Variants in SLC25A30 observed in about 807,000 individuals in gnomAD.
SLC25A30 encodes the protein kidney mitochondrial carrier protein 1.
In SLC25A30, 29 loss-of-function variants were observed where a neutral mutation model predicts 42.7. The observed-to-expected ratio is 0.68, with a 90% CI of 0.51 to 0.93. The LOEUF is 0.93. Among genes scored for constraint, SLC25A30 ranks in the 40% least tolerant of loss-of-function variants. The pLI is 0.00. For missense variants in SLC25A30, 300 were observed against 359.7 expected (o/e 0.83, Z 1.34); for synonymous variants, 124 against 131.0 (o/e 0.95, Z 0.37).
chr13:45,399,957 CT>C (rs747225259), intron 7 of SLC25A30, among the ~76,000 whole-genome samples: 1 of 149,822 alleles, frequency 6.7e-6, no homozygotes. Context: ...GTATTCCCCC[CT>C]GGTTGTGACA....
rs534652427 is a variant in SLC25A30, at chr13:45,396,366, T to G, written c.835-351A>C. The G allele has an allele frequency of 8.3e-5, 93 of 1,124,656 alleles. No individual in the cohort carries two copies. The African/African-American group carries it at 1.3e-3, about 16-fold the overall frequency. 69.7% of individuals were successfully genotyped at this position (1,124,656 alleles called of 1,614,324 possible). ...AGAGAGTTAGCAAGCCCTGGGAAGC[T>G]CTCCTCAAAGGCTTCCACTATGCAT... is the stretch of plus-strand genomic sequence containing the variant. On this transcript the variant is annotated intron_variant, in intron 9 of 9. Coordinates refer to ENST00000519676, the MANE Select transcript of SLC25A30 (RefSeq NM_001010875.4).
chr13:45,397,750 AATCCT>A (rs1881504993), intron 8 of SLC25A30: 2 of 243,412 alleles, frequency 8.2e-6, no homozygotes, highest in African/African-American at 4.7e-5. Context: ...TTAAAAATAA[AATCCT>A]GTTTGGAAGG....
the SLC25A30 span, among the ~76,000 whole-genome samples, chr13:45,432,281 A>AC: frequency 6.6e-6 from 1 of 152,064 alleles, no homozygotes; most frequent in Non-Finnish European, 1.5e-5. Flanking sequence ...AAAAAAAAAA[A>AC]AAAACAGTGT....
intron 8 of SLC25A30, chr13:45,397,686 A>T: frequency 2.3e-5 from 4 of 171,366 alleles, no homozygotes; most frequent in Non-Finnish European, 4.8e-5. Flanking sequence ...ACAAAGCGAG[A>T]CTCCATCTCA....
At chr13:45,412,973 A>G (rs1883159686) in intron 1 of SLC25A30, among the ~76,000 whole-genome samples, 1 of 152,222 alleles carries the variant, frequency 6.6e-6, no homozygotes, top group South Asian at 2.1e-4. Context: ...CAACATGTTT[A>G]CTTTGCCTGT....
chr13:45,414,635 T>TATACACACACACAC (rs1555288077), intron 1 of SLC25A30, among the ~76,000 whole-genome samples: 1 of 139,908 alleles, frequency 7.1e-6, no homozygotes, highest in South Asian at 2.4e-4. Flanking sequence ...CACACACACA[T>TATACACACACACAC]ACACACACAC....
intron 5 of SLC25A30, among the ~76,000 whole-genome samples, chr13:45,404,067 T>C (rs774416237): frequency 4.6e-5 from 7 of 151,746 alleles, no homozygotes; most frequent in Non-Finnish European, 1.0e-4. Flanking sequence ...AAAACGAAAA[T>C]GAAATGCAGT....
At chr13:45,416,086 C>T (rs34481006) in intron 1 of SLC25A30, among the ~76,000 whole-genome samples, 19,440 of 150,850 alleles carry the variant, frequency 0.13, 1,417 homozygotes, top group African/African-American at 0.19. Context: ...GCATGAACCA[C>T]GGCGCCCGGT....
chr13:45,424,790 AAG>A, the SLC25A30 span, among the ~76,000 whole-genome samples: 3 of 60,784 alleles, frequency 4.9e-5, no homozygotes, highest in African/African-American at 1.8e-4. Flanking sequence ...AAATATATAA[AAG>A]AATATAAATA....
the SLC25A30 span, among the ~76,000 whole-genome samples, chr13:45,423,666 T>TAAAAATATATATAAAATATATATAAA: frequency 9.0e-5 from 1 of 11,076 alleles, no homozygotes; most frequent in Non-Finnish European, 2.0e-4. Flanking sequence ...TAAATATATA[T>TAAAAATATATATAAAATATATATAAA]AAAATACATA....
At chr13:45,419,565 T>C (rs1045061321), upstream of SLC25A30, among the ~76,000 whole-genome samples, 2 of 150,212 alleles carry the variant, frequency 1.3e-5, no homozygotes, top group Non-Finnish European at 3.0e-5. Context: ...GTGATCCGCC[T>C]GCCTCGGCCT....
chr13:45,398,909 C>T (rs936455743), intron 8 of SLC25A30, 31 bp downstream of exon 8: 2 of 1,594,402 alleles, frequency 1.3e-6, no homozygotes, highest in Non-Finnish European at 1.7e-6. Context: ...ATATAATTCA[C>T]AACCCTGCAG....
intron 9 of SLC25A30, chr13:45,396,936 A>C (rs1258443325): frequency 7.7e-6 from 2 of 260,936 alleles, no homozygotes; most frequent in Non-Finnish European, 1.4e-5. Flanking sequence ...ATCCTTCCCA[A>C]GGTGGCTAGG....
At chr13:45,398,146 G>A (rs200033054) in intron 8 of SLC25A30, 36 of 636,558 alleles carry the variant, frequency 5.7e-5, no homozygotes, top group Middle Eastern at 7.9e-4. Context: ...AAGAAATCAC[G>A]TTCTTTGCAG....
the SLC25A30 span, among the ~76,000 whole-genome samples, chr13:45,427,453 A>G: frequency 6.6e-6 from 1 of 152,146 alleles, no homozygotes. Context: ...ATTGGGCCCA[A>G]CAGAGTTTGT....
At chr13:45,425,909 T>C in the SLC25A30 span, among the ~76,000 whole-genome samples, 1 of 147,354 alleles carries the variant, frequency 6.8e-6, no homozygotes, top group South Asian at 2.1e-4. Flanking sequence ...GCCAGGCTGG[T>C]CTTGAACTCC....
intron 1 of SLC25A30, among the ~76,000 whole-genome samples, chr13:45,416,858 T>C (rs1883581004): frequency 1.3e-5 from 2 of 152,214 alleles, no homozygotes; most frequent in Non-Finnish European, 2.9e-5. Context: ...TCCCTACACT[T>C]AGGATATATG....
In SLC25A30 at chr13:45,398,921, G is replaced by C. The variant is rs901019531; in HGVS notation, c.753+19C>G. On this transcript the variant is annotated intron_variant, in intron 8 of 9. Coordinates refer to ENST00000519676, the MANE Select transcript of SLC25A30 (RefSeq NM_001010875.4). ...AATATATAATTCACAACCCTGCAGA[G>C]ACAGACATCTGCTCTTACCTGTAAC... is the stretch of plus-strand genomic sequence containing the variant. 6.8e-6 allele frequency: 11 copies of C among 1,609,592 alleles called. No individual in the cohort carries two copies. The highest frequency in any genetic ancestry group is 2.2e-5 in the East Asian group (1 of 44,854).
intron 6 of SLC25A30, 129 bp downstream of exon 6, chr13:45,402,146 G>A: frequency 1.7e-6 from 1 of 588,554 alleles, no homozygotes; most frequent in East Asian, 2.9e-5. Flanking sequence ...ATTTTCATGG[G>A]CAGAAGATGC....
Sources: allele counts gnomAD v4.1 joint callset (sites outside exome capture counted in the v4.1 genomes callset), GRCh38; gene constraint gnomAD v4.1.1; transcripts MANE v1.5; gene names NCBI Gene and HGNC (gene_info 2026-07-23, HGNC 2026-07-21).